RYR2: variants seen among roughly 807,000 people sequenced by gnomAD.
RYR2 encodes cardiac muscle ryanodine receptor-calcium release channel.
Under a neutral mutation model 601.1 loss-of-function variants are expected in RYR2, and 227 were observed. That is an observed-to-expected ratio of 0.38 (90% CI 0.34 to 0.42). RYR2 has a LOEUF of 0.42. RYR2 is among the 10% of genes least tolerant of loss of function. The pLI, the probability that RYR2 is intolerant of heterozygous loss-of-function variation, is 1.00. For synonymous variants in RYR2, 2,223 were observed against 2,175.1 expected (o/e 1.02, Z -0.61); for missense variants, 4,646 against 6,156.5 (o/e 0.75, Z 8.21).
intron 1 of RYR2, among the ~76,000 whole-genome samples, chr1:237,220,665 C>T (rs1683707931): frequency 6.6e-6 from 1 of 152,212 alleles, no homozygotes; most frequent in African/African-American, 2.4e-5. Context: ...CTCTGATCCT[C>T]ACAAAACCTT....
Position 237,377,333 on chromosome 1 carries a change from T to G in RYR2, c.474T>G (p.Cys158Trp). 6.2e-7 allele frequency: 1 copy of G among 1,611,930 alleles called. No individual in the cohort carries two copies. The highest frequency in any genetic ancestry group is 8.5e-7 in the Non-Finnish European group (1 of 1,178,732). The change falls in exon 8 of 105, where the codon TGT (cysteine) becomes TGG (tryptophan). Residue 158 changes from cysteine to tryptophan, a missense_variant. This residue lies in a region of RYR2 where 153 missense variants were observed against 203.6 expected (regional missense o/e 0.75). Coordinates refer to ENST00000366574, the MANE Select transcript of RYR2 (RefSeq NM_001035.3). ...GLQEDTTGEA[C>W]WWTIHPASKQ... is the part of the protein sequence containing the mutation. Reference sequence around the variant, plus strand: ...TCCGTATATCTGCAGGGGAGGCTTGTTGGTGGACCATACACCCTGCCTCTA... The same window carrying G: ...TCCGTATATCTGCAGGGGAGGCTTGGTGGTGGACCATACACCCTGCCTCTA...
At chr1:237,617,679 T>C (rs536795723) in intron 38 of RYR2, among the ~76,000 whole-genome samples, 193 bp downstream of exon 38, 1 of 152,312 alleles carries the variant, frequency 6.6e-6, no homozygotes, top group East Asian at 1.9e-4. Context: ...GAGGGACTTA[T>C]TAGAAGATAT....
Position 237,610,505 on chromosome 1 carries a change from AGTATATGG to A in RYR2, c.4684-255_4684-248del, listed in dbSNP as rs1373583274. ...GCTTGGCCTTCTCTCTGTGCCATTC[AGTATATGG>A]GAAAGACACATCCCGAAACCTGTTT... On this transcript the variant is annotated intron_variant, in intron 35 of 104. Coordinates refer to ENST00000366574, the MANE Select transcript of RYR2 (RefSeq NM_001035.3). This position sits in a 1 kb window ranked among gnomAD's most constrained non-coding sequence, Gnocchi z 4.9. Among the ~76,000 whole-genome samples the A allele has an allele frequency of 6.6e-6, 1 of 152,176 alleles. No individual in the cohort carries two copies. Among genetic ancestry groups the A allele is most frequent in the Non-Finnish European group, 1.5e-5 (1 of 68,026 alleles).
intron 1 of RYR2, among the ~76,000 whole-genome samples, chr1:237,094,462 G>C (rs6428994): frequency 0.46 from 70,134 of 151,476 alleles, 16,432 homozygotes; most frequent in South Asian, 0.61. Flanking sequence ...GTTTCTCCAT[G>C]CAATCTTTGA....
intron 1 of RYR2, among the ~76,000 whole-genome samples, chr1:237,156,338 A>G (rs972485469): frequency 1.3e-5 from 2 of 152,334 alleles, no homozygotes; most frequent in East Asian, 3.9e-4. Context: ...CCACAACACA[A>G]AAACATCTTT....
At chr1:237,816,454 G>A (rs896290263) in intron 100 of RYR2, among the ~76,000 whole-genome samples, 27 of 152,158 alleles carry the variant, frequency 1.8e-4, no homozygotes, top group African/African-American at 5.1e-4. Flanking sequence ...GGGAGGCCGA[G>A]GCGGGCGGAT....
At position 237,640,890 on chromosome 1, in the gene RYR2, AT is replaced by A. The variant is rs770234515; in HGVS notation, c.7116-6del. The stretch of plus-strand genomic sequence containing the variant: ...GCTTTCTCTTTCTTTTGAAACATTC[AT>A]GAAAGTGACACAGAGGAGGAGGAAG... On this transcript the variant is annotated splice_polypyrimidine_tract_variant and splice_region_variant and intron_variant, in intron 46 of 104. Transcript: ENST00000366574. The A allele has an allele frequency of 6.2e-7, 1 of 1,610,140 alleles. No homozygotes were observed. Among genetic ancestry groups the A allele is most frequent in the Non-Finnish European group, 8.5e-7 (1 of 1,177,650 alleles).
Position 237,650,092 on chromosome 1 carries a change from T to C in RYR2, c.7728T>C (p.Ile2576=). 1 of 1,613,434 alleles carries C rather than the reference T, an allele frequency of 6.2e-7. No individual in the cohort carries two copies. Among genetic ancestry groups the C allele is most frequent in the Non-Finnish European group, 8.5e-7 (1 of 1,179,472 alleles). The change falls in exon 50 of 105, where the codon ATT becomes ATC. Residue 2576 remains isoleucine (I), a synonymous_variant. Transcript: ENST00000366574. ...CCATAGAAGTTTGTTTACTCTCTAT[T>C]TGTGGGTGAGTGGATAACAAATTCT... is the stretch of plus-strand genomic sequence containing the variant. ...RDSIEVCLLS[I]CGQLRPSMMQ...
intron 2 of RYR2, among the ~76,000 whole-genome samples, chr1:237,308,817 C>G (rs1388776958): frequency 6.6e-6 from 1 of 152,222 alleles, no homozygotes; most frequent in African/African-American, 2.4e-5. Flanking sequence ...CTTGGGCAGC[C>G]TGCTTTTATT....
chr1:237,569,703 G>C (rs1179782126), intron 29 of RYR2, among the ~76,000 whole-genome samples: 1 of 152,162 alleles, frequency 6.6e-6, no homozygotes, highest in African/African-American at 2.4e-5. Flanking sequence ...CAATGGATCA[G>C]GTACTTTGCT....
At chr1:237,085,155 T>G (rs1666166476) in intron 1 of RYR2, among the ~76,000 whole-genome samples, 2 of 152,214 alleles carry the variant, frequency 1.3e-5, no homozygotes, top group South Asian at 4.1e-4. Flanking sequence ...TAGGCTTACG[T>G]AGTAGAGTGC....
intron 100 of RYR2, among the ~76,000 whole-genome samples, chr1:237,810,002 TAAATAA>T (rs57749796): frequency 0.19 from 28,583 of 151,900 alleles, 3,138 homozygotes; most frequent in East Asian, 0.5. Flanking sequence ...CCTTGCTTTT[TAAATAA>T]AAATAAATTC....
chr1:237,175,256 T>C (rs1226517134), intron 1 of RYR2, among the ~76,000 whole-genome samples: 1 of 152,228 alleles, frequency 6.6e-6, no homozygotes, highest in Non-Finnish European at 1.5e-5. Flanking sequence ...AATTATATGC[T>C]GTAGTTCTAG....
chr1:237,667,837 A>G (rs1336231353), intron 57 of RYR2, 46 bp from the exon 58 acceptor site: 2 of 1,389,700 alleles, frequency 1.4e-6, no homozygotes, highest in East Asian at 5.0e-5. Context: ...AAGCAATATT[A>G]TCCTTTTTTA....
intron 2 of RYR2, among the ~76,000 whole-genome samples, chr1:237,276,294 T>A (rs183388665): frequency 6.6e-6 from 1 of 152,266 alleles, no homozygotes; most frequent in Non-Finnish European, 1.5e-5. Flanking sequence ...GAGACGGGGT[T>A]TTGCCATGTT....
At chr1:237,260,560 C>T (rs1056902982) in intron 1 of RYR2, among the ~76,000 whole-genome samples, 10 of 152,106 alleles carry the variant, frequency 6.6e-5, no homozygotes, top group African/African-American at 2.2e-4. Context: ...TGATGGGGTG[C>T]CGTGGGTCAC....
chr1:237,549,927 T>C (rs1424096092), intron 26 of RYR2, among the ~76,000 whole-genome samples: 1 of 152,190 alleles, frequency 6.6e-6, no homozygotes, highest in Non-Finnish European at 1.5e-5. Context: ...CTGTTCACTC[T>C]CTCTGTGTCA....
intron 1 of RYR2, among the ~76,000 whole-genome samples, chr1:237,127,822 A>G (rs10925321): frequency 0.072 from 10,052 of 139,802 alleles, 897 homozygotes; most frequent in African/African-American, 0.22. Flanking sequence ...CTTCCTAGAT[A>G]GGATGGCGGC....
intron 1 of RYR2, among the ~76,000 whole-genome samples, chr1:237,065,654 T>C (rs1663512803): frequency 1.3e-5 from 2 of 152,196 alleles, no homozygotes; most frequent in Admixed American, 1.3e-4. Context: ...GCCACTGTTT[T>C]GTTCTCCATC....
Sources: allele counts gnomAD v4.1 joint callset (sites outside exome capture counted in the v4.1 genomes callset), GRCh38; gene constraint gnomAD v4.1.1; regional missense constraint gnomAD v4.1.1; non-coding constraint Gnocchi (gnomAD v3.1); transcripts MANE v1.5; gene names NCBI Gene and HGNC (gene_info 2026-07-23, HGNC 2026-07-21).